RBFOX1: variants seen among roughly 807,000 people sequenced by gnomAD.
The protein encoded by RBFOX1 is RNA binding protein fox-1 homolog 1.
Under a neutral mutation model 57.7 loss-of-function variants are expected in RBFOX1, and 8 were observed. The observed-to-expected ratio is 0.14, with a 90% CI of 0.08 to 0.25. The LOEUF (loss-of-function observed/expected upper bound fraction) is 0.25, where lower values mean the gene tolerates loss of function less well. Among genes scored for constraint, RBFOX1 ranks in the 10% least tolerant of loss-of-function variants. The pLI, the probability that RBFOX1 is intolerant of heterozygous loss-of-function variation, is 1.00. For synonymous variants in RBFOX1, 326 were observed against 222.4 expected, an observed-to-expected ratio of 1.47 and a Z score of -4.15; for missense variants, 611 against 548.5, an observed-to-expected ratio of 1.11 and a Z score of -1.14.
intron 2 of RBFOX1, among the ~76,000 whole-genome samples, chr16:6,341,727 C>A (rs972936915): frequency 1.3e-5 from 2 of 151,950 alleles, no homozygotes; most frequent in African/African-American, 4.8e-5. Context: ...GAATGTCCTA[C>A]TCTGTCTATG....
At chr16:6,210,366 A>C (rs2097287713) in intron 1 of RBFOX1, among the ~76,000 whole-genome samples, 2 of 135,410 alleles carry the variant, frequency 1.5e-5, no homozygotes, top group African/African-American at 2.5e-5. Context: ...AACACCAAAA[A>C]AAAAAAAAAA....
In RBFOX1 at chr16:5,715,078, G is replaced by A. The variant is rs2051641288; in HGVS notation, c.318+116117G>A. Among the ~76,000 whole-genome samples the A allele has an allele frequency of 3.9e-5, 6 of 152,156 alleles. No homozygotes were observed. The South Asian group carries it at 8.3e-4, about 21-fold the overall frequency. ...CCTGCTTCTCCAGTCTTTTGTTGAC[G>A]CAGCCGCCTTGTTTAGCAAATGCTC... On this transcript the variant is annotated intron_variant, in intron 3 of 19. Transcript: ENST00000641259.
intron 13 of RBFOX1, among the ~76,000 whole-genome samples, chr16:7,672,734 G>A (rs2071887392): frequency 6.6e-6 from 1 of 151,776 alleles, no homozygotes; most frequent in African/African-American, 2.4e-5. Context: ...AGGCGTGGTG[G>A]CACATGCCTG....
intron 2 of RBFOX1, among the ~76,000 whole-genome samples, chr16:6,529,349 A>G (rs954318762): frequency 4.6e-5 from 7 of 152,136 alleles, no homozygotes; most frequent in African/African-American, 1.7e-4. Flanking sequence ...GATCAAGTTC[A>G]GAAGGTGGAG....
At chr16:7,328,274 G>A (rs1459813122) in intron 4 of RBFOX1, among the ~76,000 whole-genome samples, 4 of 152,064 alleles carry the variant, frequency 2.6e-5, no homozygotes, top group Admixed American at 6.6e-5. Context: ...GAGGTCAGGA[G>A]TTCAAGACAA....
At position 5,897,016 on chromosome 16, in the gene RBFOX1, C is replaced by CTTTTTTTTTTTTT. The variant is rs575235024; in HGVS notation, c.351+29699_351+29711dup. 8.7e-4 allele frequency among the ~76,000 whole-genome samples: 49 copies of CTTTTTTTTTTTTT among 56,468 alleles called. 2 individuals are homozygous for CTTTTTTTTTTTTT. Among genetic ancestry groups the CTTTTTTTTTTTTT allele is most frequent in the East Asian group, 3.3e-3 (5 of 1,506 alleles). The allele number at this position is 56,468 out of a possible 152,430, so 37.0% of individuals were successfully genotyped here. A position where few individuals can be genotyped will look rare whatever the true frequency, so the allele number is the denominator to read the frequency against. ...CCCCCACTAAAAATGTATCCATCCG[C>CTTTTTTTTTTTTT]TTTTTTTTTTTTTTTTTTTTTTTTT... is the stretch of plus-strand genomic sequence containing the variant. On this transcript the variant is annotated intron_variant, in intron 4 of 19. Coordinates refer to the RBFOX1 transcript ENST00000641259.
chr16:5,682,970 TC>T (rs2050389665), intron 3 of RBFOX1, among the ~76,000 whole-genome samples: 1 of 152,176 alleles, frequency 6.6e-6, no homozygotes, highest in Non-Finnish European at 1.5e-5. Context: ...AATTGATACT[TC>T]AGGACAATTC....
At chr16:5,961,523 A>G (rs2059748384) in intron 4 of RBFOX1, among the ~76,000 whole-genome samples, 2 of 151,896 alleles carry the variant, frequency 1.3e-5, no homozygotes, top group Non-Finnish European at 2.9e-5. Context: ...TTTTTTAATT[A>G]TTGTTTTATT....
At chr16:6,830,838 C>G (rs923602202) in intron 3 of RBFOX1, among the ~76,000 whole-genome samples, 1 of 152,168 alleles carries the variant, frequency 6.6e-6, no homozygotes, top group East Asian at 1.9e-4. Flanking sequence ...TTTACAATAT[C>G]TGAATCACTC....
At chr16:6,726,583 A>G (rs1045316018) in intron 3 of RBFOX1, among the ~76,000 whole-genome samples, 1 of 152,076 alleles carries the variant, frequency 6.6e-6, no homozygotes, top group Non-Finnish European at 1.5e-5. Context: ...CCTTTAATGT[A>G]CATAGCTGCT....
At chr16:6,697,720 A>G (rs2061263211) in intron 3 of RBFOX1, among the ~76,000 whole-genome samples, 1 of 152,180 alleles carries the variant, frequency 6.6e-6, no homozygotes. Flanking sequence ...CCTTCCCCAA[A>G]GAAACAGGCT....
chr16:6,313,103 C>T (rs1030631052), intron 1 of RBFOX1, among the ~76,000 whole-genome samples: 11 of 152,116 alleles, frequency 7.2e-5, no homozygotes, highest in Admixed American at 3.3e-4. Flanking sequence ...CCATAGCATG[C>T]CAGGCATCCC....
chr16:6,914,448 T>C (rs2072566755), intron 3 of RBFOX1, among the ~76,000 whole-genome samples: 1 of 152,016 alleles, frequency 6.6e-6, no homozygotes, highest in Admixed American at 6.5e-5. Flanking sequence ...GGAGGTACTT[T>C]TGCATTAATA....
chr16:6,297,655 T>A (rs1025518472), intron 1 of RBFOX1, among the ~76,000 whole-genome samples: 3 of 152,014 alleles, frequency 2.0e-5, no homozygotes, highest in Non-Finnish European at 4.4e-5. Flanking sequence ...TTCCTGTTGC[T>A]TTTTGGCCCA....
intron 2 of RBFOX1, among the ~76,000 whole-genome samples, chr16:6,635,780 A>T (rs907980396): frequency 6.6e-6 from 1 of 152,166 alleles, no homozygotes; most frequent in African/African-American, 2.4e-5. Context: ...ATTTTGATGC[A>T]CTTGACCAGT....
chr16:5,587,577 G>A (rs1319694017), intron 2 of RBFOX1, among the ~76,000 whole-genome samples: 2 of 152,332 alleles, frequency 1.3e-5, no homozygotes, highest in East Asian at 3.9e-4. Flanking sequence ...GCCAGGCCTG[G>A]TGGCAGATGC....
At chr16:6,071,893 A>T (rs2095842240) in intron 1 of RBFOX1, among the ~76,000 whole-genome samples, 1 of 152,202 alleles carries the variant, frequency 6.6e-6, no homozygotes, top group Non-Finnish European at 1.5e-5. Flanking sequence ...AGGTTCATAA[A>T]TGTACAAATG....
intron 2 of RBFOX1, among the ~76,000 whole-genome samples, chr16:5,559,998 G>T (rs1326661290): frequency 6.6e-6 from 1 of 152,106 alleles, no homozygotes; most frequent in African/African-American, 2.4e-5. Context: ...TCCCTAACCA[G>T]CATGAAAAAC....
chr16:6,814,812 T>C (rs2089676994), intron 3 of RBFOX1, among the ~76,000 whole-genome samples: 1 of 152,096 alleles, frequency 6.6e-6, no homozygotes. Context: ...TTTGGGTTTA[T>C]GTCCTGTGAG....
Sources: allele counts gnomAD v4.1 joint callset (sites outside exome capture counted in the v4.1 genomes callset), GRCh38; gene constraint gnomAD v4.1.1; transcripts MANE v1.5; gene names NCBI Gene and HGNC (gene_info 2026-07-23, HGNC 2026-07-21).